Variants in PLPPR1 observed in about 807,000 individuals in gnomAD.
PLPPR1 encodes the protein phospholipid phosphatase-related protein type 1.
A neutral mutation model predicts 33.1 loss-of-function variants in PLPPR1; 10 were observed. The ratio of observed to expected loss-of-function variants is 0.30; its 90% CI spans 0.19 to 0.51. The LOEUF (loss-of-function observed/expected upper bound fraction) is 0.51. PLPPR1 is among the 20% of genes least tolerant of loss of function. PLPPR1 has a pLI of 0.97. For synonymous variants in PLPPR1, 151 were observed against 151.0 expected, an observed-to-expected ratio of 1.00 and a Z score of 0.00; for missense variants, 304 against 408.1, an observed-to-expected ratio of 0.74 and a Z score of 2.20.
chr9:101,238,122 TATATATATACATATACACAC>T (rs982295706), intron 2 of PLPPR1, among the ~76,000 whole-genome samples: 25 of 138,518 alleles, frequency 1.8e-4, no homozygotes, highest in East Asian at 6.7e-4. Flanking sequence ...TACGTGTGTG[TATATATATACATATACACAC>T]ATATATATAC....
At chr9:101,292,054 A>G (rs1376083372) in intron 4 of PLPPR1, among the ~76,000 whole-genome samples, 1 of 152,150 alleles carries the variant, frequency 6.6e-6, no homozygotes, top group East Asian at 1.9e-4. Context: ...AAAAATGTAG[A>G]CGAATATATA....
intron 4 of PLPPR1, among the ~76,000 whole-genome samples, chr9:101,287,644 G>A (rs1362681235): frequency 6.6e-6 from 1 of 152,086 alleles, no homozygotes; most frequent in African/African-American, 2.4e-5. Flanking sequence ...GGGATTATAG[G>A]TGCCTGTCCC....
At chr9:101,131,080 T>C (rs1831308298) in intron 1 of PLPPR1, among the ~76,000 whole-genome samples, 1 of 152,220 alleles carries the variant, frequency 6.6e-6, no homozygotes, top group Non-Finnish European at 1.5e-5. Flanking sequence ...TAATGGCCTC[T>C]ACTTCCCTTC....
chr9:101,285,652 A>T (rs1316081501), intron 3 of PLPPR1, among the ~76,000 whole-genome samples: 2 of 152,184 alleles, frequency 1.3e-5, no homozygotes, highest in Non-Finnish European at 2.9e-5. Context: ...ACAGTATGTC[A>T]TTTCACTTAA....
At chr9:101,294,761 C>T (rs1370360170) in intron 4 of PLPPR1, among the ~76,000 whole-genome samples, 16 of 152,106 alleles carry the variant, frequency 1.1e-4, no homozygotes, top group African/African-American at 3.4e-4. Context: ...AACCTTCATG[C>T]TAAAAACTCT....
chr9:101,196,457 C>G (rs901237623), intron 2 of PLPPR1, among the ~76,000 whole-genome samples: 1 of 152,178 alleles, frequency 6.6e-6, no homozygotes, highest in Non-Finnish European at 1.5e-5. Flanking sequence ...GATAATTTAT[C>G]ACAAAATTGT....
chr9:101,084,080 G>T (rs190565196), intron 1 of PLPPR1, among the ~76,000 whole-genome samples: 1 of 152,280 alleles, frequency 6.6e-6, no homozygotes, highest in South Asian at 2.1e-4. Flanking sequence ...CACACAAGGG[G>T]ACTTTGACTC....
chr9:101,072,442 G>A (rs12345358), intron 1 of PLPPR1, among the ~76,000 whole-genome samples: 8,979 of 152,162 alleles, frequency 0.059, 679 homozygotes, highest in East Asian at 0.25. Flanking sequence ...AAATCATGTG[G>A]CTTCAGCTAA....
At chr9:101,153,963 A>G (rs1046089519) in intron 1 of PLPPR1, among the ~76,000 whole-genome samples, 2 of 152,102 alleles carry the variant, frequency 1.3e-5, no homozygotes, top group Non-Finnish European at 2.9e-5. Flanking sequence ...ATCTATTGAG[A>G]TGATCATGTG....
intron 1 of PLPPR1, among the ~76,000 whole-genome samples, chr9:101,127,068 C>A (rs1831254626): frequency 2.0e-5 from 3 of 152,156 alleles, no homozygotes; most frequent in African/African-American, 7.2e-5. Flanking sequence ...TTCACTCCCC[C>A]TCTTTGTAAT....
intron 1 of PLPPR1, among the ~76,000 whole-genome samples, chr9:101,094,374 T>C (rs1476542523): frequency 6.6e-6 from 1 of 152,220 alleles, no homozygotes; most frequent in East Asian, 1.9e-4. Flanking sequence ...TGCAACATCC[T>C]ACTTTCTCTG....
At chr9:101,119,139 C>A (rs1831148018) in intron 1 of PLPPR1, among the ~76,000 whole-genome samples, 1 of 152,146 alleles carries the variant, frequency 6.6e-6, no homozygotes, top group African/African-American at 2.4e-5. Context: ...CATCTCTTTT[C>A]TCCCCAGCCT....
At chr9:101,064,659 A>G (rs367857487) in intron 1 of PLPPR1, among the ~76,000 whole-genome samples, 9 of 152,196 alleles carry the variant, frequency 5.9e-5, no homozygotes, top group South Asian at 4.1e-4. Context: ...TAGGAGGTGC[A>G]TCTTCGTCTG....
At chr9:101,319,764 G>A (rs1009749409) in intron 7 of PLPPR1, among the ~76,000 whole-genome samples, 1 of 152,196 alleles carries the variant, frequency 6.6e-6, no homozygotes, top group Non-Finnish European at 1.5e-5. Flanking sequence ...GTTTAGTGAA[G>A]TCAGAGAGGG....
At chr9:101,302,034 TTAAGAA>T (rs1268445271) in intron 4 of PLPPR1, among the ~76,000 whole-genome samples, 1 of 152,202 alleles carries the variant, frequency 6.6e-6, no homozygotes, top group Non-Finnish European at 1.5e-5. Context: ...ACAATTATGA[TTAAGAA>T]TATAGCCTCT....
At chr9:101,143,248 C>T (rs1263997763) in intron 1 of PLPPR1, among the ~76,000 whole-genome samples, 1 of 152,138 alleles carries the variant, frequency 6.6e-6, no homozygotes, top group African/African-American at 2.4e-5. Flanking sequence ...TTAAGTCTAT[C>T]AAATCATCTA....
rs76730020 is a variant in PLPPR1, at chr9:101,252,865, C to T, written c.64-17015C>T. On this transcript the variant is annotated intron_variant, in intron 2 of 7. Transcript: ENST00000374874. Reference sequence around the variant, plus strand: ...TGTGGCATGATGAAAACTCGATGTTCGTTTTATGTTTTCATTCTAATATGG... The same window carrying T: ...TGTGGCATGATGAAAACTCGATGTTTGTTTTATGTTTTCATTCTAATATGG... Among the ~76,000 whole-genome samples, 341 of 151,686 alleles carry T rather than the reference C, an allele frequency of 2.2e-3. 11 individuals carry two copies. In the East Asian group the frequency reaches 0.057, roughly 25 times the overall value.
intron 1 of PLPPR1, among the ~76,000 whole-genome samples, chr9:101,035,531 C>A (rs1259863655): frequency 1.3e-5 from 2 of 152,152 alleles, no homozygotes; most frequent in Non-Finnish European, 2.9e-5. Flanking sequence ...CCCCTAACTC[C>A]TTTGGGTTTT....
chr9:101,197,942 C>A (rs1344111655), intron 2 of PLPPR1, among the ~76,000 whole-genome samples: 1 of 152,096 alleles, frequency 6.6e-6, no homozygotes. Context: ...ATTGTTTTTA[C>A]AAGACATTCT....
Sources: gnomAD v4.1 joint callset for allele counts (sites outside exome capture counted in the v4.1 genomes callset) on GRCh38, gnomAD v4.1.1 for gene constraint, MANE v1.5 for transcripts, NCBI Gene and HGNC (gene_info 2026-07-23, HGNC 2026-07-21) for gene names.